MARK1: variants seen among roughly 807,000 people sequenced by gnomAD.
MARK1 encodes the protein serine/threonine-protein kinase MARK1.
In MARK1, 40 loss-of-function variants were observed where a neutral mutation model predicts 96.3. That is an observed-to-expected ratio of 0.42 (90% confidence interval 0.32 to 0.54). MARK1 has a LOEUF of 0.54. Ranked by LOEUF, MARK1 falls within the 20% of genes least tolerant of loss-of-function variation. MARK1 has a pLI of 0.16. For synonymous variants in MARK1, 317 were observed against 341.2 expected (o/e 0.93, Z 0.78); for missense variants, 719 against 984.6 (o/e 0.73, Z 3.61).
intron 3 of MARK1, among the ~76,000 whole-genome samples, chr1:220,596,887 T>G (rs1210156868): frequency 6.6e-6 from 1 of 152,180 alleles, no homozygotes; most frequent in Non-Finnish European, 1.5e-5. Context: ...TTCCAGCCCC[T>G]GGCAACCATC....
At chr1:220,590,677 G>C (rs913068441) in intron 3 of MARK1, among the ~76,000 whole-genome samples, 3 of 152,140 alleles carry the variant, frequency 2.0e-5, no homozygotes, top group African/African-American at 7.2e-5. Flanking sequence ...TGATGGAATA[G>C]GAATCTGGTA....
intron 1 of MARK1, among the ~76,000 whole-genome samples, chr1:220,574,972 G>A (rs538945403): frequency 4.6e-5 from 7 of 152,070 alleles, no homozygotes; most frequent in South Asian, 2.1e-4. Context: ...TTGAATATTC[G>A]GTCACCAAGC....
chr1:220,641,512 TA>T (rs1395187281), intron 13 of MARK1, among the ~76,000 whole-genome samples: 5 of 152,172 alleles, frequency 3.3e-5, no homozygotes, highest in Non-Finnish European at 7.4e-5. Flanking sequence ...CTGTTGTTTA[TA>T]AGCCAGCCAG....
intron 5 of MARK1, among the ~76,000 whole-genome samples, chr1:220,603,429 A>G (rs927455972): frequency 1.3e-5 from 2 of 152,058 alleles, no homozygotes; most frequent in African/African-American, 4.8e-5. Flanking sequence ...CAAATTAAGT[A>G]CAGATATTAT....
At chr1:220,539,242 C>T (rs1476935452) in intron 1 of MARK1, among the ~76,000 whole-genome samples, 1 of 152,082 alleles carries the variant, frequency 6.6e-6, no homozygotes, top group Non-Finnish European at 1.5e-5. Context: ...AGATATGTCC[C>T]ATCAATACCT....
intron 11 of MARK1, among the ~76,000 whole-genome samples, chr1:220,634,282 G>T (rs566062898): frequency 1.3e-5 from 2 of 152,166 alleles, no homozygotes; most frequent in Non-Finnish European, 2.9e-5. Context: ...ACCATGCCAC[G>T]CATGAATTTA....
At chr1:220,600,687 G>A (rs549149882) in intron 5 of MARK1, among the ~76,000 whole-genome samples, 1 of 152,256 alleles carries the variant, frequency 6.6e-6, no homozygotes, top group Non-Finnish European at 1.5e-5. Flanking sequence ...GAAGAAGAAA[G>A]AAGGCAGCTG....
chr1:220,532,112 C>T (rs1280754373), intron 1 of MARK1, among the ~76,000 whole-genome samples: 1 of 152,116 alleles, frequency 6.6e-6, no homozygotes, highest in Non-Finnish European at 1.5e-5. Context: ...ATGAAGAAAA[C>T]TCTTTTGACT....
chr1:220,602,497 A>G (rs780969795), intron 5 of MARK1, among the ~76,000 whole-genome samples: 11 of 152,194 alleles, frequency 7.2e-5, no homozygotes, highest in African/African-American at 2.4e-4. Context: ...TATGTCATGT[A>G]AATACCTGGG....
intron 1 of MARK1, among the ~76,000 whole-genome samples, chr1:220,577,665 A>G (rs12127836): frequency 4.1e-4 from 62 of 152,340 alleles, no homozygotes; most frequent in Non-Finnish European, 7.3e-4. Context: ...CAGGGATAAC[A>G]CTGTGAAAAC....
intron 9 of MARK1, chr1:220,628,052 A>T (rs568714599): frequency 1.3e-5 from 2 of 152,292 alleles, no homozygotes; most frequent in South Asian, 4.1e-4. Context: ...TACAAAAAAA[A>T]ATAACTGTTT....
chr1:220,571,766 G>A (rs1002206139), intron 1 of MARK1: 3 of 151,994 alleles, frequency 2.0e-5, no homozygotes, highest in Non-Finnish European at 4.4e-5. Flanking sequence ...ATGTTGCCCA[G>A]GCTGGAATGC....
chr1:220,627,763 G>A (rs1195441363), intron 9 of MARK1: 3 of 159,722 alleles, frequency 1.9e-5, no homozygotes, highest in Non-Finnish European at 2.7e-5. Flanking sequence ...CCAAATGCCT[G>A]CTTAGTAGCT....
chr1:220,555,434 ATGTAT>A (rs2102756833), intron 1 of MARK1, among the ~76,000 whole-genome samples: 1 of 152,272 alleles, frequency 6.6e-6, no homozygotes, highest in African/African-American at 2.4e-5. Context: ...GAGGTTGTTG[ATGTAT>A]TGAAGTAAGA....
intron 1 of MARK1, among the ~76,000 whole-genome samples, chr1:220,562,173 A>G (rs1662712175): frequency 6.6e-6 from 1 of 152,148 alleles, no homozygotes; most frequent in African/African-American, 2.4e-5. Context: ...TATTACTATT[A>G]ACAAAAACAG....
intron 1 of MARK1, among the ~76,000 whole-genome samples, chr1:220,558,133 AAATAATAATAAT>A (rs56212262): frequency 0.013 from 1,780 of 137,138 alleles, 27 homozygotes; most frequent in African/African-American, 0.043. Context: ...ACCCTGTCTC[AAATAATAATAAT>A]AATAATAATA....
At chr1:220,539,398 C>T (rs1014207025) in intron 1 of MARK1, among the ~76,000 whole-genome samples, 1 of 152,096 alleles carries the variant, frequency 6.6e-6, no homozygotes, top group Non-Finnish European at 1.5e-5. Context: ...TTGAACCAGC[C>T]TTGCATCCCA....
At chr1:220,638,336 C>T (rs1282620566) in intron 13 of MARK1, among the ~76,000 whole-genome samples, 1 of 152,120 alleles carries the variant, frequency 6.6e-6, no homozygotes, top group Non-Finnish European at 1.5e-5. Flanking sequence ...CCTAAACAGT[C>T]CCCTTACATT....
intron 7 of MARK1, among the ~76,000 whole-genome samples, chr1:220,616,869 A>C (rs140056644): frequency 0.012 from 1,805 of 152,262 alleles, 14 homozygotes; most frequent in Middle Eastern, 0.034. Context: ...CCAGTTTATC[A>C]TCTCATTTCT....
Sources: allele counts gnomAD v4.1 joint callset (sites outside exome capture counted in the v4.1 genomes callset), GRCh38; gene constraint gnomAD v4.1.1; transcripts MANE v1.5; gene names NCBI Gene and HGNC (gene_info 2026-07-23, HGNC 2026-07-21).